Variants in TNKS observed in about 807,000 individuals in gnomAD.
The protein encoded by TNKS is tankyrase.
Under a neutral mutation model 135.8 loss-of-function variants are expected in TNKS, and 72 were observed. The observed-to-expected ratio is 0.53, with a 90% CI of 0.44 to 0.64. TNKS has a LOEUF of 0.64. Ranked by LOEUF, TNKS falls within the 30% of genes least tolerant of loss-of-function variation. TNKS has a pLI of 0.00. For synonymous variants in TNKS, 849 were observed against 649.3 expected (o/e 1.31, Z -4.68); for missense variants, 1,769 against 1,674.0 (o/e 1.06, Z -0.99).
intron 5 of TNKS, among the ~76,000 whole-genome samples, chr8:9,686,513 A>C (rs761466028): frequency 1.3e-5 from 2 of 152,146 alleles, no homozygotes; most frequent in Non-Finnish European, 2.9e-5. Flanking sequence ...AAGAAAATAT[A>C]ACTCAATGCT....
chr8:9,579,153 G>T (rs1401743148), intron 1 of TNKS, among the ~76,000 whole-genome samples: 1 of 152,092 alleles, frequency 6.6e-6, no homozygotes, highest in Non-Finnish European at 1.5e-5. Flanking sequence ...TGAAAACTGT[G>T]ATACTTCTTA....
chr8:9,684,659 T>C (rs1585324916), intron 5 of TNKS, among the ~76,000 whole-genome samples: 1 of 152,142 alleles, frequency 6.6e-6, no homozygotes, highest in Non-Finnish European at 1.5e-5. Flanking sequence ...GTAACTAATA[T>C]TTGATAGGTG....
chr8:9,649,640 C>G (rs189684478), intron 3 of TNKS, among the ~76,000 whole-genome samples: 4 of 151,772 alleles, frequency 2.6e-5, no homozygotes, highest in Non-Finnish European at 5.9e-5. Context: ...CCCTTCCCCC[C>G]AAGTCCCCAA....
intron 2 of TNKS, among the ~76,000 whole-genome samples, chr8:9,593,717 T>C (rs1210275969): frequency 6.6e-6 from 1 of 152,154 alleles, no homozygotes; most frequent in Non-Finnish European, 1.5e-5. Flanking sequence ...AGTCTTTTAG[T>C]TTAAAAAATT....
At chr8:9,682,581 A>C (rs1057170352) in intron 5 of TNKS, among the ~76,000 whole-genome samples, 4 of 151,988 alleles carry the variant, frequency 2.6e-5, no homozygotes, top group African/African-American at 9.7e-5. Flanking sequence ...GAGTTCCTTA[A>C]AGTTCATAAA....
intron 20 of TNKS, among the ~76,000 whole-genome samples, chr8:9,758,646 A>G (rs1356611671): frequency 1.3e-5 from 2 of 152,172 alleles, no homozygotes; most frequent in African/African-American, 2.4e-5. Flanking sequence ...AAACTGTCCA[A>G]CAGGTCTGCA....
intron 12 of TNKS, 67 bp from the exon 13 acceptor site, chr8:9,726,574 A>C: frequency 8.2e-7 from 1 of 1,220,674 alleles, no homozygotes; most frequent in Non-Finnish European, 1.1e-6. Flanking sequence ...TTTTGTTTCC[A>C]AAATCAATGC....
chr8:9,689,228 T>C (rs1188872594), intron 5 of TNKS, among the ~76,000 whole-genome samples: 1 of 152,242 alleles, frequency 6.6e-6, no homozygotes, highest in African/African-American at 2.4e-5. Flanking sequence ...TTCACTCATC[T>C]CATTCAGTTA....
At chr8:9,701,499 G>A (rs1472899797) in intron 5 of TNKS, among the ~76,000 whole-genome samples, 1 of 152,184 alleles carries the variant, frequency 6.6e-6, no homozygotes, top group African/African-American at 2.4e-5. Flanking sequence ...TGTCTGTGGA[G>A]GAAGTTTTCA....
Position 9,556,414 on chromosome 8 carries a change from G to C in TNKS, c.475G>C (p.Val159Leu). The change falls in exon 1 of 27, where the codon GTT becomes CTT. Residue 159 changes from valine to leucine, a missense_variant. Coordinates refer to ENST00000310430, the MANE Select transcript of TNKS (RefSeq NM_003747.3). ...GGCGGAGAGCCCCGAGGCGGCCGGA[G>C]TTAGCAGCACAGCACCACTGGGGCC... The part of the protein sequence containing the change: ...SLAESPEAAG[V>L]SSTAPLGPGA... 6.2e-7 allele frequency: 1 copy of C among 1,614,208 alleles called. No homozygotes were observed. Among genetic ancestry groups the C allele is most frequent in the South Asian group, 1.1e-5 (1 of 91,088 alleles).
intron 3 of TNKS, among the ~76,000 whole-genome samples, chr8:9,660,384 C>A (rs559075426): frequency 5.9e-5 from 9 of 152,294 alleles, no homozygotes; most frequent in Admixed American, 2.0e-4. Flanking sequence ...AAAAGCTTAT[C>A]CACCATGATC....
intron 1 of TNKS, among the ~76,000 whole-genome samples, chr8:9,566,771 G>A (rs1156604507): frequency 1.3e-5 from 2 of 151,188 alleles, no homozygotes; most frequent in African/African-American, 4.9e-5. Context: ...ACCGCGCCCG[G>A]CTAATTTTTT....
At chr8:9,656,703 G>C (rs1419536018) in intron 3 of TNKS, among the ~76,000 whole-genome samples, 1 of 150,310 alleles carries the variant, frequency 6.7e-6, no homozygotes, top group Non-Finnish European at 1.5e-5. Context: ...CAATAGTGGA[G>C]GGAAGGTCAG....
intron 11 of TNKS, among the ~76,000 whole-genome samples, chr8:9,711,162 C>G (rs1157178035): frequency 5.9e-5 from 9 of 151,932 alleles, no homozygotes; most frequent in African/African-American, 2.2e-4. Context: ...TACAAGATGC[C>G]CTGTTGGAAA....
chr8:9,595,387 G>T (rs1015197298), intron 2 of TNKS, among the ~76,000 whole-genome samples: 4 of 152,064 alleles, frequency 2.6e-5, no homozygotes, highest in Admixed American at 1.3e-4. Context: ...GAGAGTCATT[G>T]TGCCTTTGGA....
At chr8:9,711,941 A>G (rs778080161) in intron 11 of TNKS, among the ~76,000 whole-genome samples, 4 of 152,202 alleles carry the variant, frequency 2.6e-5, no homozygotes, top group Admixed American at 6.5e-5. Flanking sequence ...GTTTTAGGGT[A>G]GATTTTGAAT....
intron 5 of TNKS, among the ~76,000 whole-genome samples, chr8:9,690,047 C>A (rs1803189661): frequency 6.6e-6 from 1 of 152,186 alleles, no homozygotes. Flanking sequence ...TGTGAAACAT[C>A]AAGTTACATC....
intron 5 of TNKS, among the ~76,000 whole-genome samples, chr8:9,682,247 C>T (rs1413595050): frequency 2.0e-5 from 3 of 152,108 alleles, no homozygotes; most frequent in Non-Finnish European, 4.4e-5. Context: ...GCCTACGTCA[C>T]TTTTCTATAA....
intron 22 of TNKS, 131 bp from the exon 23 acceptor site, chr8:9,764,585 C>G (rs1807324305): frequency 1.9e-6 from 1 of 513,646 alleles, no homozygotes; most frequent in Non-Finnish European, 3.3e-6. Context: ...ACCAAAAATA[C>G]TTATCCACTA....
Sources: gnomAD v4.1 joint callset for allele counts (sites outside exome capture counted in the v4.1 genomes callset) on GRCh38, gnomAD v4.1.1 for gene constraint, MANE v1.5 for transcripts, NCBI Gene and HGNC (gene_info 2026-07-23, HGNC 2026-07-21) for gene names.